The following LINGO2 variants were observed in gnomAD, a reference collection of about 807,000 sequenced individuals.
The protein encoded by LINGO2 is leucine rich repeat and Ig domain containing 2.
In LINGO2, 14 loss-of-function variants were observed where a neutral mutation model predicts 30.6. That is an observed-to-expected ratio of 0.46 (90% CI 0.30 to 0.72). The LOEUF (loss-of-function observed/expected upper bound fraction) is 0.72, where lower values mean the gene tolerates loss of function less well. Ranked by LOEUF, LINGO2 falls within the 30% of genes least tolerant of loss-of-function variation. LINGO2 has a pLI of 0.07. For synonymous variants in LINGO2, 317 were observed against 288.5 expected (o/e 1.10, Z -1.00); for missense variants, 729 against 751.7 (o/e 0.97, Z 0.35).
At chr9:28,606,412 A>T (rs530204416) in intron 1 of LINGO2, among the ~76,000 whole-genome samples, 1 of 152,094 alleles carries the variant, frequency 6.6e-6, no homozygotes, top group South Asian at 2.1e-4. Context: ...AGAATAAATG[A>T]CTTTACTGGA....
chr9:29,139,974 A>G, the LINGO2 span, among the ~76,000 whole-genome samples: 5 of 152,112 alleles, frequency 3.3e-5, no homozygotes, highest in African/African-American at 1.2e-4. Flanking sequence ...TCTTGAAAAA[A>G]GAAACTGGCA....
chr9:28,954,078 A>G, the LINGO2 span, among the ~76,000 whole-genome samples: 1 of 152,180 alleles, frequency 6.6e-6, no homozygotes, highest in Non-Finnish European at 1.5e-5. Flanking sequence ...AAGAATTTTC[A>G]AAATTTTAAC....
the LINGO2 span, among the ~76,000 whole-genome samples, chr9:29,201,615 T>A: frequency 5.9e-5 from 9 of 151,412 alleles, no homozygotes; most frequent in Non-Finnish European, 7.4e-5. Flanking sequence ...GAAAATCCAA[T>A]AGAAAGAGAT....
the LINGO2 span, among the ~76,000 whole-genome samples, chr9:28,999,898 C>T: frequency 6.9e-6 from 1 of 144,328 alleles, no homozygotes. Context: ...TTCTAAATAA[C>T]TGTATCCATG....
intron 4 of LINGO2, among the ~76,000 whole-genome samples, chr9:28,143,415 G>A (rs997279171): frequency 6.6e-6 from 1 of 152,096 alleles, no homozygotes; most frequent in Non-Finnish European, 1.5e-5. Context: ...CAGATAATTT[G>A]CATCTTGAAA....
At chr9:28,432,551 G>A (rs973302537) in intron 2 of LINGO2, among the ~76,000 whole-genome samples, 1 of 151,974 alleles carries the variant, frequency 6.6e-6, no homozygotes, top group Admixed American at 6.6e-5. Flanking sequence ...TATTAACTGT[G>A]ATTGATTTTG....
chr9:28,955,843 A>G, the LINGO2 span, among the ~76,000 whole-genome samples: 47 of 152,100 alleles, frequency 3.1e-4, no homozygotes, highest in African/African-American at 1.1e-3. Flanking sequence ...AGGTCTTGCT[A>G]TGTTTCCTAG....
chr9:29,053,878 G>A, the LINGO2 span, among the ~76,000 whole-genome samples: 41 of 151,774 alleles, frequency 2.7e-4, no homozygotes, highest in African/African-American at 9.2e-4. Context: ...AGTCTACATC[G>A]AATTCTGGAA....
rs201722722 is a variant in LINGO2 at position 27,974,426 on chromosome 9, A to AAAT, written c.-35-23721_-35-23720insATT. Among the ~76,000 whole-genome samples, 1,190 of 152,172 alleles carry AAAT rather than the reference A, an allele frequency of 7.8e-3. 90 individuals carry two copies. In the East Asian group the frequency reaches 0.17, roughly 22 times the overall value. ...CACAGTGTTGGTGTAGTTTTGAAGG[A>AAAT]CGGTAGCAATGTCTGAAAAACACAG... On this transcript the variant is annotated intron_variant, in intron 5 of 5. Transcript: ENST00000379992.
At chr9:28,545,745 C>T (rs1052353805) in intron 1 of LINGO2, among the ~76,000 whole-genome samples, 4 of 151,924 alleles carry the variant, frequency 2.6e-5, no homozygotes, top group African/African-American at 4.8e-5. Flanking sequence ...AGAAATATGC[C>T]AAATACTTCC....
intron 3 of LINGO2, among the ~76,000 whole-genome samples, chr9:28,305,533 T>C (rs1824312415): frequency 6.6e-6 from 1 of 151,846 alleles, no homozygotes; most frequent in Non-Finnish European, 1.5e-5. Flanking sequence ...AATAGAAAAA[T>C]TACATACAAA....
the LINGO2 span, among the ~76,000 whole-genome samples, chr9:29,056,384 T>G: frequency 6.6e-6 from 1 of 152,198 alleles, no homozygotes; most frequent in Non-Finnish European, 1.5e-5. Flanking sequence ...GTTGGCCATT[T>G]GCATATCTTC....
chr9:28,694,870 G>C, the LINGO2 span, among the ~76,000 whole-genome samples: 1 of 151,420 alleles, frequency 6.6e-6, no homozygotes, highest in African/African-American at 2.4e-5. Context: ...TGTGTGTCAT[G>C]GTCAAAAACA....
chr9:27,948,924 G>A lies in LINGO2; in HGVS notation c.1748C>T (p.Pro583Leu). The A allele has an allele frequency of 6.2e-7, 1 of 1,613,848 alleles. No individual in the cohort carries two copies. The highest frequency in any genetic ancestry group is 8.5e-7 in the Non-Finnish European group (1 of 1,179,946). ...CACAACAGCACCATTGTTTTTTCTG[G>A]GCACATACTCAAGGTCAATGCTGTT... The change falls in exon 6 of 6, where the codon CCC becomes CTC. Residue 583 changes from proline to leucine, a missense_variant. Physicochemically the swap from Pro to Leu is moderately conservative, Grantham distance 98 (BLOSUM62 -3). Coordinates refer to ENST00000379992, the Ensembl canonical transcript of LINGO2.
intron 2 of LINGO2, among the ~76,000 whole-genome samples, chr9:28,450,571 A>T (rs2135068291): frequency 6.6e-6 from 1 of 152,168 alleles, no homozygotes; most frequent in South Asian, 2.1e-4. Context: ...TGACCAAATA[A>T]AAATGGTACT....
intron 3 of LINGO2, among the ~76,000 whole-genome samples, chr9:28,370,415 T>A (rs886203024): frequency 1.3e-5 from 2 of 152,188 alleles, no homozygotes; most frequent in African/African-American, 4.8e-5. Flanking sequence ...TTCAGTGATT[T>A]TTTTTTCTAG....
chr9:29,208,305 T>C, the LINGO2 span, among the ~76,000 whole-genome samples: 1 of 152,044 alleles, frequency 6.6e-6, no homozygotes. Flanking sequence ...TTAAATGATA[T>C]TTTAACTCTT....
At chr9:29,189,658 G>A in the LINGO2 span, among the ~76,000 whole-genome samples, 1 of 152,126 alleles carries the variant, frequency 6.6e-6, no homozygotes, top group East Asian at 2.0e-4. Flanking sequence ...GGAGGCCAAG[G>A]CAGGCGGCTG....
At position 28,587,056 on chromosome 9, in the gene LINGO2, C is replaced by T. The variant is rs796712990; in HGVS notation, c.-365+83144G>A. On this transcript the variant is annotated intron_variant, in intron 1 of 5. Coordinates refer to ENST00000379992, the Ensembl canonical transcript of LINGO2. ...TAAGGCTTCATACAGCTAGAAATCC[C>T]GCACTCAGTTTCCAGAAGAGTAAGA... 1.1e-4 allele frequency among the ~76,000 whole-genome samples: 17 copies of T among 151,992 alleles called. 1 individual carries two copies. Among genetic ancestry groups the T allele is most frequent in the African/African-American group, 3.9e-4 (16 of 41,508 alleles).
Sources: gnomAD v4.1 joint callset for allele counts (sites outside exome capture counted in the v4.1 genomes callset) on GRCh38, gnomAD v4.1.1 for gene constraint, MANE v1.5 for transcripts, NCBI Gene and HGNC (gene_info 2026-07-23, HGNC 2026-07-21) for gene names.